The following GCM1 variants were observed in gnomAD, a reference collection of about 807,000 sequenced individuals.
The protein encoded by GCM1 is GCM transcription factor 1.
A neutral mutation model predicts 25.7 loss-of-function variants in GCM1; 2 were observed. The observed-to-expected ratio is 0.08, with a 90% confidence interval of 0.03 to 0.24. GCM1 has a LOEUF of 0.24. GCM1 is among the 10% of genes least tolerant of loss of function. GCM1 has a pLI of 1.00. For synonymous variants in GCM1, 183 were observed against 195.7 expected, an observed-to-expected ratio of 0.94 and a Z score of 0.54; for missense variants, 395 against 538.7, an observed-to-expected ratio of 0.73 and a Z score of 2.64.
At chr6:53,139,837 G>A (rs1763850024) in intron 2 of GCM1, among the ~76,000 whole-genome samples, 1 of 152,002 alleles carries the variant, frequency 6.6e-6, no homozygotes, top group Non-Finnish European at 1.5e-5. Flanking sequence ...CTCCAGCCTG[G>A]GCGACAGAGT....
chr6:53,130,749 A>T, intron 5 of GCM1, 54 bp downstream of exon 5: 1 of 1,512,208 alleles, frequency 6.6e-7, no homozygotes, highest in Non-Finnish European at 9.0e-7. Flanking sequence ...TACCGCCCCC[A>T]GCACAGGCGT....
intron 4 of GCM1, among the ~76,000 whole-genome samples, chr6:53,131,725 A>AGCAGCAT (rs1763729905): frequency 6.6e-6 from 1 of 152,230 alleles, no homozygotes; most frequent in African/African-American, 2.4e-5. Flanking sequence ...GAAGGCTACC[A>AGCAGCAT]GCAGCATGCA....
intron 3 of GCM1, among the ~76,000 whole-genome samples, chr6:53,133,492 A>AT (rs1202043218): frequency 2.7e-5 from 4 of 149,580 alleles, no homozygotes; most frequent in African/African-American, 4.9e-5. Flanking sequence ...GTGCCCGGCC[A>AT]TTTTTCCTTT....
chr6:53,131,929 C>A, intron 4 of GCM1, 78 bp downstream of exon 4: 1 of 823,120 alleles, frequency 1.2e-6, no homozygotes, highest in South Asian at 1.4e-5. Flanking sequence ...TGCAGGATCT[C>A]ATTCACAGGT....
At chr6:53,146,246 GTC>G (rs1276726352) in intron 1 of GCM1, among the ~76,000 whole-genome samples, 1 of 127,750 alleles carries the variant, frequency 7.8e-6, no homozygotes, top group African/African-American at 2.9e-5. Flanking sequence ...TTGAGATGGA[GTC>G]TCACTTCTTC....
chr6:53,127,341 A>G lies in GCM1; in HGVS notation c.*865T>C, dbSNP rs1468453609. ...GGGTTAGGTCAGGTTCCTTGTCATC[A>G]CAAGTCTCAGAAATCATCTAGAAAA... On this transcript the variant is annotated 3_prime_UTR_variant, in exon 6 of 6. Coordinates refer to ENST00000259803, the MANE Select transcript of GCM1 (RefSeq NM_003643.4). The G allele has an allele frequency of 6.6e-6, 1 of 152,232 alleles. No homozygotes were observed. The highest frequency in any genetic ancestry group is 2.4e-5 in the African/African-American group (1 of 41,464). The allele number at this position is 152,232 out of a possible 1,614,324, so 9.4% of individuals were successfully genotyped here. A position where few individuals can be genotyped will look rare whatever the true frequency, so the allele number is the denominator to read the frequency against.
intron 2 of GCM1, among the ~76,000 whole-genome samples, chr6:53,135,558 C>A (rs1280453489): frequency 6.6e-6 from 1 of 152,216 alleles, no homozygotes; most frequent in African/African-American, 2.4e-5. Context: ...CATTGGTGCA[C>A]AGATGCTGCA....
chr6:53,130,847 G>A lies in GCM1; in HGVS notation c.526C>T (p.Pro176Ser), dbSNP rs1173767652. ...TTCAGGCTCAATGAGACGGAGGAAG[G>A]TGCTGTGTTCACTTTCTTCATGGCT... ...RRAMKKVNTA[P>S]SSVSLSLKGS... The change falls in exon 5 of 6, where the codon CCT (proline) becomes TCT (serine). Residue 176 changes from proline (P) to serine (S), a missense_variant. Coordinates refer to ENST00000259803, the MANE Select transcript of GCM1 (RefSeq NM_003643.4). 1 of 1,613,854 alleles carries A rather than the reference G, an allele frequency of 6.2e-7. No individual in the cohort carries two copies. The highest frequency in any genetic ancestry group is 1.1e-5 in the South Asian group (1 of 91,076).
chr6:53,133,935 G>T, intron 3 of GCM1, 137 bp downstream of exon 3: 1 of 843,166 alleles, frequency 1.2e-6, no homozygotes, highest in South Asian at 1.7e-5. Flanking sequence ...TATGCTCCAT[G>T]TCAGAACAGC....
At position 53,133,534 on chromosome 6, in the gene GCM1, C is replaced by T. The variant is rs374225862; in HGVS notation, c.328+538G>A. Among the ~76,000 whole-genome samples the T allele has an allele frequency of 2.6e-4, 40 of 152,084 alleles. No homozygotes were observed. In the East Asian group the frequency reaches 3.5e-3, roughly 13 times the overall value. On this transcript the variant is annotated intron_variant, in intron 3 of 5. Transcript: ENST00000259803. The stretch of plus-strand genomic sequence containing the variant: ...GGAGATAGGATCTCACTCTATTGTG[C>T]GGCCTGGAGTGCAGTGGCTCCATTA...
chr6:53,144,137 T>C (rs1763919171), intron 2 of GCM1, among the ~76,000 whole-genome samples: 1 of 152,092 alleles, frequency 6.6e-6, no homozygotes, highest in Non-Finnish European at 1.5e-5. Flanking sequence ...ATGTTGAAAA[T>C]CAGTATTCAA....
intron 1 of GCM1, among the ~76,000 whole-genome samples, chr6:53,146,214 ATATTTT>A (rs1472575090): frequency 0.03 from 2,081 of 68,822 alleles, 20 homozygotes; most frequent in African/African-American, 0.11. Flanking sequence ...ATATATATAT[ATATTTT>A]TTTTTTTTTT....
chr6:53,131,023 GC>G (rs1305331972), intron 4 of GCM1, 92 bp from the exon 5 acceptor site: 3 of 1,212,784 alleles, frequency 2.5e-6, no homozygotes, highest in African/African-American at 1.5e-5. Context: ...TGTGTGTCCT[GC>G]CCCGGGGGTG....
chr6:53,131,978 C>T, intron 4 of GCM1, 29 bp downstream of exon 4: 1 of 1,243,220 alleles, frequency 8.0e-7, no homozygotes, highest in Non-Finnish European at 1.2e-6. Context: ...AGTAATGAAA[C>T]TCTCACGTAA....
chr6:53,136,605 C>G (rs551905736), intron 2 of GCM1, among the ~76,000 whole-genome samples: 1 of 152,318 alleles, frequency 6.6e-6, no homozygotes, highest in Non-Finnish European at 1.5e-5. Flanking sequence ...GTAAGAGTCA[C>G]TGGCTTTTGG....
At position 53,128,917 on chromosome 6, in the gene GCM1, C is replaced by G. The variant is rs1196122721; in HGVS notation, c.600G>C (p.Gly200=). Residue 200 remains glycine (G), a synonymous_variant, in exon 6 of 6, where the codon GGG becomes GGC. Coordinates refer to ENST00000259803, the MANE Select transcript of GCM1 (RefSeq NM_003643.4). ...GGAAAGACCAAGTTAAAGGTAAACT[C>G]CCCTGACTTTGTGTTTCACCTGGAA... ...RSLPGETQSQ[G]SLPLTWSFQE... is the part of the protein sequence containing the mutation. 6.2e-7 allele frequency: 1 copy of G among 1,613,186 alleles called. No individual in the cohort carries two copies. Among genetic ancestry groups the G allele is most frequent in the Admixed American group, 1.7e-5 (1 of 59,984 alleles).
rs976863969 is a variant in GCM1, at chr6:53,142,206, C to T, written c.75+3352G>A. Among the ~76,000 whole-genome samples, 6 of 151,842 alleles carry T rather than the reference C, an allele frequency of 4.0e-5. No homozygotes were observed. In the East Asian group the frequency reaches 9.7e-4, roughly 24 times the overall value. On this transcript the variant is annotated intron_variant, in intron 2 of 5. Transcript: ENST00000259803. ...AATATAAACTATAAATGATCTAGATCGATGGGACAGAGAGTGAAATTAGAG... is the reference window on the plus strand; with the variant it reads ...AATATAAACTATAAATGATCTAGATTGATGGGACAGAGAGTGAAATTAGAG...
chr6:53,140,530 C>CAAAA (rs10629921), intron 2 of GCM1, among the ~76,000 whole-genome samples: 74,110 of 128,062 alleles, frequency 0.58, 23,233 homozygotes, highest in South Asian at 0.7. Context: ...TTCTCTCTAC[C>CAAAA]AAAAAAAAAA....
chr6:53,145,523 A>G (rs1351518826), intron 2 of GCM1, 35 bp downstream of exon 2: 3 of 1,078,564 alleles, frequency 2.8e-6, no homozygotes, highest in Admixed American at 1.7e-5. Context: ...TTCACAGCCC[A>G]ATGTTGAAGG....
Sources: gnomAD v4.1 joint callset for allele counts (sites outside exome capture counted in the v4.1 genomes callset) on GRCh38, gnomAD v4.1.1 for gene constraint, MANE v1.5 for transcripts, NCBI Gene and HGNC (gene_info 2026-07-23, HGNC 2026-07-21) for gene names.